Variants in LDB2 observed in about 807,000 individuals in gnomAD.
LDB2 encodes the protein LIM domain binding 2.
LDB2 carries 12 observed loss-of-function variants against 44.3 expected under a neutral mutation model. That is an observed-to-expected ratio of 0.27 (90% CI 0.17 to 0.44). The LOEUF (loss-of-function observed/expected upper bound fraction) is 0.44. Among genes scored for constraint, LDB2 ranks in the 20% least tolerant of loss-of-function variants. The pLI is 1.00. For missense variants in LDB2, 344 were observed against 473.5 expected, an observed-to-expected ratio of 0.73 and a Z score of 2.54; for synonymous variants, 164 against 174.8, an observed-to-expected ratio of 0.94 and a Z score of 0.49.
At chr4:16,536,644 G>A (rs1731973084) in intron 5 of LDB2, among the ~76,000 whole-genome samples, 1 of 152,180 alleles carries the variant, frequency 6.6e-6, no homozygotes, top group South Asian at 2.1e-4. Flanking sequence ...TCATCCCAGG[G>A]TAGAGGGAAT....
chr4:16,796,154 G>A (rs963640468), intron 1 of LDB2, among the ~76,000 whole-genome samples: 7 of 152,208 alleles, frequency 4.6e-5, no homozygotes, highest in Non-Finnish European at 7.4e-5. Flanking sequence ...CCGTCATGGT[G>A]GTGTCGTGTG....
intron 2 of LDB2, among the ~76,000 whole-genome samples, chr4:16,727,694 C>T (rs283015): frequency 2.0e-5 from 3 of 151,960 alleles, no homozygotes; most frequent in African/African-American, 7.3e-5. Flanking sequence ...TTATATCTCC[C>T]GAAAGCTAAT....
At chr4:16,734,766 T>G (rs1761527349) in intron 2 of LDB2, among the ~76,000 whole-genome samples, 1 of 148,674 alleles carries the variant, frequency 6.7e-6, no homozygotes, top group Admixed American at 6.8e-5. Flanking sequence ...TGGACTGCAG[T>G]GGCACAATCT....
At chr4:16,836,923 T>C (rs1040057817) in intron 1 of LDB2, among the ~76,000 whole-genome samples, 5 of 152,212 alleles carry the variant, frequency 3.3e-5, no homozygotes, top group Non-Finnish European at 5.9e-5. Flanking sequence ...ATCTCTAGAA[T>C]TTAATTCTGG....
At chr4:16,820,591 G>A (rs1781765233) in intron 1 of LDB2, among the ~76,000 whole-genome samples, 1 of 152,204 alleles carries the variant, frequency 6.6e-6, no homozygotes. Flanking sequence ...TTTCCTGGCA[G>A]TGAACTTGTT....
intron 2 of LDB2, among the ~76,000 whole-genome samples, chr4:16,688,384 G>C (rs1479142440): frequency 2.0e-5 from 3 of 152,206 alleles, no homozygotes; most frequent in Admixed American, 2.0e-4. Context: ...CAGGGCTTGG[G>C]CATTGATGGC....
At chr4:16,799,008 A>G (rs995621551) in intron 1 of LDB2, among the ~76,000 whole-genome samples, 39 of 150,872 alleles carry the variant, frequency 2.6e-4, no homozygotes, top group Admixed American at 1.1e-3. Context: ...CCGCCACCAC[A>G]CCCGGCTAAT....
At chr4:16,886,657 A>C (rs1721781113) in intron 1 of LDB2, among the ~76,000 whole-genome samples, 1 of 152,210 alleles carries the variant, frequency 6.6e-6, no homozygotes, top group Non-Finnish European at 1.5e-5. Context: ...ATTCTAAATA[A>C]ACTGGCAAAG....
intron 1 of LDB2, among the ~76,000 whole-genome samples, chr4:16,802,169 G>A (rs564498975): frequency 8.5e-5 from 13 of 152,260 alleles, no homozygotes; most frequent in South Asian, 6.2e-4. Context: ...GTGAGTGGAC[G>A]CCCATCCTCT....
intron 2 of LDB2, among the ~76,000 whole-genome samples, chr4:16,628,716 C>T (rs772446217): frequency 6.6e-6 from 1 of 152,084 alleles, no homozygotes; most frequent in Admixed American, 6.5e-5. Context: ...TCTGCATTTC[C>T]AACTGAGGTA....
intron 2 of LDB2, among the ~76,000 whole-genome samples, chr4:16,637,482 T>C (rs1044413367): frequency 6.6e-6 from 1 of 151,832 alleles, no homozygotes; most frequent in African/African-American, 2.4e-5. Flanking sequence ...CTTTACGGAG[T>C]ACCCACTCTG....
intron 2 of LDB2, among the ~76,000 whole-genome samples, chr4:16,658,749 T>C (rs1267910584): frequency 6.6e-6 from 1 of 152,152 alleles, no homozygotes; most frequent in Non-Finnish European, 1.5e-5. Context: ...CATCCACCCA[T>C]GTAGCCCACA....
chr4:16,531,664 A>C (rs1328874799), intron 5 of LDB2, among the ~76,000 whole-genome samples: 1 of 152,176 alleles, frequency 6.6e-6, no homozygotes, highest in Non-Finnish European at 1.5e-5. Context: ...GTCTTGTTCA[A>C]GTTCTTGTGG....
chr4:16,606,220 G>A (rs1435328353), intron 2 of LDB2, among the ~76,000 whole-genome samples: 5 of 152,222 alleles, frequency 3.3e-5, no homozygotes, highest in South Asian at 2.1e-4. Flanking sequence ...CTTTAAATAT[G>A]TTAGTGTACA....
At chr4:16,781,668 G>T (rs1400407597) in intron 1 of LDB2, among the ~76,000 whole-genome samples, 7 of 152,180 alleles carry the variant, frequency 4.6e-5, no homozygotes, top group Non-Finnish European at 1.0e-4. Flanking sequence ...ATAAGAGTAA[G>T]GTGTAGCCAA....
intron 2 of LDB2, among the ~76,000 whole-genome samples, chr4:16,629,363 C>T (rs1178857829): frequency 1.3e-5 from 2 of 152,154 alleles, no homozygotes; most frequent in Non-Finnish European, 2.9e-5. Flanking sequence ...TTGGGAGACA[C>T]CTCCCAGTAG....
At chr4:16,692,282 T>C (rs1269040080) in intron 2 of LDB2, among the ~76,000 whole-genome samples, 1 of 152,242 alleles carries the variant, frequency 6.6e-6, no homozygotes, top group African/African-American at 2.4e-5. Context: ...GCCCAGAGGC[T>C]ATAAAGCAGA....
chr4:16,792,551 C>G (rs974321905), intron 1 of LDB2, among the ~76,000 whole-genome samples: 2 of 152,198 alleles, frequency 1.3e-5, no homozygotes, highest in African/African-American at 4.8e-5. Flanking sequence ...AAGTCCTCCT[C>G]TCCACAACCA....
At chr4:16,561,819 A>G (rs1742421669) in intron 5 of LDB2, among the ~76,000 whole-genome samples, 3 of 152,212 alleles carry the variant, frequency 2.0e-5, no homozygotes, top group South Asian at 4.1e-4. Flanking sequence ...ACTTCAAACT[A>G]TACTACAGGC....
Sources: gnomAD v4.1 joint callset for allele counts (sites outside exome capture counted in the v4.1 genomes callset) on GRCh38, gnomAD v4.1.1 for gene constraint, MANE v1.5 for transcripts, NCBI Gene and HGNC (gene_info 2026-07-23, HGNC 2026-07-21) for gene names.